The following HTR2C variants were observed in gnomAD, a reference collection of about 807,000 sequenced individuals.
The protein encoded by HTR2C is 5-hydroxytryptamine receptor 2C.
HTR2C carries 5 observed loss-of-function variants against 21.0 expected under a neutral mutation model. The ratio of observed to expected loss-of-function variants is 0.24; its 90% CI spans 0.12 to 0.50. The LOEUF (loss-of-function observed/expected upper bound fraction) is 0.50, where lower values mean the gene tolerates loss of function less well. Ranked by LOEUF, HTR2C falls within the 20% of genes least tolerant of loss-of-function variation. The probability of loss-of-function intolerance (pLI) is 0.98; values close to 1 mark genes in which losing one functional copy is unlikely to be tolerated. For synonymous variants in HTR2C, 150 were observed against 145.3 expected (o/e 1.03, Z -0.23); for missense variants, 271 against 371.2 (o/e 0.73, Z 2.22).
At chrX:114,765,686 A>G (rs2069941116) in intron 4 of HTR2C, among the ~76,000 whole-genome samples, 1 of 111,828 alleles carries the variant, frequency 8.9e-6, no homozygotes, top group East Asian at 2.8e-4. Context: ...AACTAAGGAA[A>G]TAGTCTTTTG....
intron 4 of HTR2C, among the ~76,000 whole-genome samples, chrX:114,751,471 A>T (rs891610890): frequency 1.8e-5 from 2 of 111,783 alleles, no homozygotes; most frequent in African/African-American, 3.3e-5. Context: ...AAGGCAGGAG[A>T]AGATTTTGGG....
chrX:114,684,346 T>C (rs1315866985), intron 2 of HTR2C, among the ~76,000 whole-genome samples: 1 of 111,769 alleles, frequency 8.9e-6, no homozygotes, highest in East Asian at 2.8e-4. Flanking sequence ...TTAGAACTTT[T>C]GGCCAAGAGT....
chrX:114,655,705 C>T (rs1286759569), intron 2 of HTR2C, among the ~76,000 whole-genome samples: 1 of 111,330 alleles, frequency 9.0e-6, no homozygotes, highest in Non-Finnish European at 1.9e-5. Flanking sequence ...GGGCTACACA[C>T]TGTAGAATTC....
chrX:114,806,367 G>A (rs372311109), intron 4 of HTR2C, among the ~76,000 whole-genome samples: 8 of 17,859 alleles, frequency 4.5e-4, no homozygotes, highest in East Asian at 3.5e-3. Context: ...TATATATACC[G>A]TATATATACA....
At chrX:114,594,090 T>C (rs1034059504) in intron 1 of HTR2C, among the ~76,000 whole-genome samples, 2 of 111,502 alleles carry the variant, frequency 1.8e-5, no homozygotes, top group Admixed American at 9.6e-5. Context: ...CTATTAATAA[T>C]AAGTAACATT....
chrX:114,592,534 TA>T lies in HTR2C; in HGVS notation c.-147+7882del, dbSNP rs781905440. The stretch of plus-strand genomic sequence containing the variant: ...CAACACTTATAGAGTGAGAAATTAT[TA>T]AAAAAACACTCTATCCCTTCTCCCA... On this transcript the variant is annotated intron_variant, in intron 1 of 5. Coordinates refer to ENST00000276198, the MANE Select transcript of HTR2C (RefSeq NM_000868.4). Among the ~76,000 whole-genome samples, 27 of 111,487 alleles carry T rather than the reference TA, an allele frequency of 2.4e-4. No individual in the cohort carries two copies. The South Asian group carries it at 9.7e-3, about 40-fold the overall frequency.
intron 4 of HTR2C, among the ~76,000 whole-genome samples, chrX:114,818,514 C>T (rs781867571): frequency 8.9e-6 from 1 of 111,773 alleles, no homozygotes; most frequent in Non-Finnish European, 1.9e-5. Flanking sequence ...CAATTGTACC[C>T]TAATATACAT....
At chrX:114,841,353 T>C (rs954771344) in intron 4 of HTR2C, among the ~76,000 whole-genome samples, 3 of 112,102 alleles carry the variant, frequency 2.7e-5, no homozygotes, top group Admixed American at 9.5e-5. Context: ...TTACAAAAAC[T>C]TTAAACTTTT....
chrX:114,805,628 T>TC lies in HTR2C; in HGVS notation c.350-42375_350-42374insC, dbSNP rs1273867345. 9.6e-3 allele frequency among the ~76,000 whole-genome samples: 146 copies of TC among 15,173 alleles called. 26 individuals carry two copies. The highest frequency in any genetic ancestry group is 0.037 in the African/African-American group (139 of 3,778). The allele number at this position is 15,173 out of a possible 115,157, so 13.2% of individuals were successfully genotyped here. A position where few individuals can be genotyped will look rare whatever the true frequency, so the allele number is the denominator to read the frequency against. ...ATATATACACATCATATATATACCA[T>TC]ATATATACCATATATATACACCATA... is the stretch of plus-strand genomic sequence containing the variant. On this transcript the variant is annotated intron_variant, in intron 4 of 5. Transcript: ENST00000276198.
At chrX:114,758,903 C>T (rs1412440185) in intron 4 of HTR2C, among the ~76,000 whole-genome samples, 1 of 111,722 alleles carries the variant, frequency 9.0e-6, no homozygotes, top group Non-Finnish European at 1.9e-5. Flanking sequence ...TTGCCTGATA[C>T]AGATATTTTA....
chrX:114,891,140 C>G (rs893874440), intron 5 of HTR2C, among the ~76,000 whole-genome samples: 1 of 110,664 alleles, frequency 9.0e-6, no homozygotes, highest in Non-Finnish European at 1.9e-5. Context: ...TTCACTTGGT[C>G]TTTTTATAGG....
intron 2 of HTR2C, among the ~76,000 whole-genome samples, chrX:114,710,324 G>T (rs1449711828): frequency 9.0e-6 from 1 of 111,234 alleles, no homozygotes; most frequent in Non-Finnish European, 1.9e-5. Context: ...TTTCAATACT[G>T]CTCATGAGAG....
intron 4 of HTR2C, among the ~76,000 whole-genome samples, chrX:114,754,510 T>C (rs2069791862): frequency 9.0e-6 from 1 of 111,497 alleles, no homozygotes; most frequent in Non-Finnish European, 1.9e-5. Flanking sequence ...ATATGTCCAA[T>C]TGATTTTTGA....
chrX:114,616,354 T>C (rs1449723938), intron 2 of HTR2C, among the ~76,000 whole-genome samples: 1 of 110,431 alleles, frequency 9.1e-6, no homozygotes. Flanking sequence ...TGGCATGATC[T>C]TGACTCACTG....
chrX:114,694,409 C>T (rs1932202335), intron 2 of HTR2C, among the ~76,000 whole-genome samples: 1 of 104,263 alleles, frequency 9.6e-6, no homozygotes, highest in Non-Finnish European at 2.0e-5. Flanking sequence ...GTATTCCAAA[C>T]TCTGTTCATT....
intron 4 of HTR2C, among the ~76,000 whole-genome samples, chrX:114,771,665 T>A (rs1459603275): frequency 1.8e-5 from 2 of 112,172 alleles, no homozygotes; most frequent in Non-Finnish European, 1.9e-5. Context: ...CATTTTAGAA[T>A]CCCTTATGTT....
intron 2 of HTR2C, among the ~76,000 whole-genome samples, chrX:114,681,887 A>G (rs782336168): frequency 1.8e-5 from 2 of 111,494 alleles, no homozygotes; most frequent in East Asian, 5.6e-4. Context: ...TTCCATAAAC[A>G]TGAGCCTTCA....
intron 4 of HTR2C, among the ~76,000 whole-genome samples, chrX:114,778,924 T>C (rs970503074): frequency 5.4e-5 from 6 of 111,423 alleles, no homozygotes; most frequent in South Asian, 3.8e-4. Context: ...TACTATCTTT[T>C]TGAACTCTTC....
chrX:114,724,111 T>TG lies in HTR2C; in HGVS notation c.-79-2743dup, dbSNP rs1386351172. Among the ~76,000 whole-genome samples the TG allele has an allele frequency of 8.5e-5, 9 of 106,101 alleles. No individual in the cohort carries two copies. The East Asian group carries it at 2.4e-3, about 29-fold the overall frequency. The allele number at this position is 106,101 out of a possible 115,157, so 92.1% of individuals were successfully genotyped here. Reference sequence around the variant, plus strand: ...TCGTTGATATGTCTAATGTTGACAGTGGGGTGTTAAAGTCCTCCATTATTA... The same window carrying TG: ...TCGTTGATATGTCTAATGTTGACAGTGGGGGTGTTAAAGTCCTCCATTATTA... On this transcript the variant is annotated intron_variant, in intron 2 of 5. Transcript: ENST00000276198.
Sources: gnomAD v4.1 joint callset for allele counts (sites outside exome capture counted in the v4.1 genomes callset) on GRCh38, gnomAD v4.1.1 for gene constraint, MANE v1.5 for transcripts, NCBI Gene and HGNC (gene_info 2026-07-23, HGNC 2026-07-21) for gene names.